Variants in CGRRF1 observed in about 807,000 individuals in gnomAD.
The protein encoded by CGRRF1 is cell growth regulator with ring finger domain 1, also known as cell growth regulator with RING finger domain protein 1.
In CGRRF1, 32 loss-of-function variants were observed where a neutral mutation model predicts 37.2. That is an observed-to-expected ratio of 0.86 (90% confidence interval 0.65 to 1.16). The LOEUF is 1.16. CGRRF1 is among the 50% of genes most tolerant of loss of function. The pLI is 0.00. For synonymous variants in CGRRF1, 141 were observed against 140.3 expected (o/e 1.00, Z -0.04); for missense variants, 391 against 382.6 (o/e 1.02, Z -0.18).
chr14:54,523,689 A>G (rs544597802), intron 2 of CGRRF1, among the ~76,000 whole-genome samples: 4 of 152,314 alleles, frequency 2.6e-5, no homozygotes, highest in Admixed American at 6.5e-5. Context: ...GGTTCTTCCT[A>G]TGGGTCCTCC....
chr14:54,537,654 A>G (rs1296042026), intron 4 of CGRRF1, 68 bp from the exon 5 acceptor site: 9 of 1,365,866 alleles, frequency 6.6e-6, no homozygotes, highest in Non-Finnish European at 8.6e-6. Flanking sequence ...GTTGAAAAGC[A>G]TTTTTCATAT....
At chr14:54,521,867 T>A (rs926173128) in intron 1 of CGRRF1, among the ~76,000 whole-genome samples, 2 of 152,180 alleles carry the variant, frequency 1.3e-5, no homozygotes, top group African/African-American at 4.8e-5. Flanking sequence ...AATAAGTTCA[T>A]CATGTGTTTG....
At chr14:54,535,359 T>TCACGCACACACACACA (rs2032582909) in intron 4 of CGRRF1, among the ~76,000 whole-genome samples, 7 of 140,498 alleles carry the variant, frequency 5.0e-5, no homozygotes, top group African/African-American at 1.9e-4. Context: ...AAGGGTATAG[T>TCACGCACACACACACA]CACACACACA....
At chr14:54,532,067 C>G (rs540698798) in intron 4 of CGRRF1, among the ~76,000 whole-genome samples, 2 of 152,060 alleles carry the variant, frequency 1.3e-5, no homozygotes, top group Non-Finnish European at 2.9e-5. Context: ...CAAGAAAAAT[C>G]CCAGTCATTC....
At position 54,510,271 on chromosome 14, in the gene CGRRF1, C is replaced by T. The variant is rs2032108408; in HGVS notation, c.104+208C>T. The T allele has an allele frequency of 7.0e-6, 4 of 573,670 alleles. No individual in the cohort carries two copies. The East Asian group carries it at 1.2e-4, about 17-fold the overall frequency. 35.5% of individuals were successfully genotyped at this position (573,670 alleles called of 1,614,324 possible). On this transcript the variant is annotated intron_variant, in intron 1 of 5. Coordinates refer to ENST00000216420, the MANE Select transcript of CGRRF1 (RefSeq NM_006568.3). ...CACTGCCCTGCATCACCGTTTGGTC[C>T]GTGTCGCTGGGGCATCTTGGGGTGG...
At chr14:54,520,354 C>T (rs2032295300) in intron 1 of CGRRF1, among the ~76,000 whole-genome samples, 1 of 152,014 alleles carries the variant, frequency 6.6e-6, no homozygotes, top group Admixed American at 6.6e-5. Context: ...AGGACGGTCT[C>T]GATCTCCTGG....
At chr14:54,510,490 C>T (rs944890140) in intron 1 of CGRRF1, among the ~76,000 whole-genome samples, 3 of 152,182 alleles carry the variant, frequency 2.0e-5, no homozygotes, top group African/African-American at 7.2e-5. Context: ...GCGAGGTTAA[C>T]AGTTGTGATT....
intron 1 of CGRRF1, among the ~76,000 whole-genome samples, chr14:54,513,594 A>T (rs2032165771): frequency 6.6e-6 from 1 of 150,660 alleles, no homozygotes; most frequent in African/African-American, 2.4e-5. Context: ...ATGTTATGTT[A>T]TGTTATGTTA....
At chr14:54,519,968 C>T (rs2032287904) in intron 1 of CGRRF1, among the ~76,000 whole-genome samples, 1 of 152,228 alleles carries the variant, frequency 6.6e-6, no homozygotes, top group African/African-American at 2.4e-5. Flanking sequence ...TATCTTATTT[C>T]ACGATGCCCT....
rs140514305 is a variant in CGRRF1, at chr14:54,530,061, T to C, written c.257T>C (p.Leu86Ser). The C allele has an allele frequency of 2.2e-5, 35 of 1,609,458 alleles. No individual in the cohort carries two copies. The highest frequency in any genetic ancestry group is 3.0e-5 in the Non-Finnish European group (35 of 1,176,548). Residue 86 changes from leucine (L) to serine (S), a missense_variant, in exon 3 of 6, where the codon TTG becomes TCG. Coordinates refer to ENST00000216420, the MANE Select transcript of CGRRF1 (RefSeq NM_006568.3). ...TTGTTTTTTACAGCTGGCATAACCT[T>C]GACAACAGATTGCCTTGAAGATAGC... ...SSASITTGIT[L>S]TTDCLEDSLL...
chr14:54,530,748 A>G (rs555901941), intron 3 of CGRRF1, 155 bp from the exon 4 acceptor site: 23 of 880,256 alleles, frequency 2.6e-5, no homozygotes, highest in Non-Finnish European at 3.6e-5. Context: ...GAATGTCTCT[A>G]TCAGGAACAG....
chr14:54,519,971 G>A (rs1016375835), intron 1 of CGRRF1, among the ~76,000 whole-genome samples: 19 of 152,024 alleles, frequency 1.2e-4, no homozygotes, highest in African/African-American at 4.1e-4. Context: ...CTTATTTCAC[G>A]ATGCCCTTCA....
intron 4 of CGRRF1, among the ~76,000 whole-genome samples, chr14:54,534,219 G>T (rs1280735008): frequency 2.0e-5 from 3 of 152,042 alleles, no homozygotes; most frequent in Non-Finnish European, 4.4e-5. Flanking sequence ...CTGCTTCCTG[G>T]GTTCAAGCAA....
intron 4 of CGRRF1, 184 bp downstream of exon 4, chr14:54,531,234 C>A: frequency 3.7e-6 from 2 of 534,448 alleles, no homozygotes; most frequent in Non-Finnish European, 6.6e-6. Context: ...TCATTTCTTG[C>A]CTTATGGGTC....
intron 4 of CGRRF1, among the ~76,000 whole-genome samples, chr14:54,534,125 G>T (rs538687600): frequency 2.0e-4 from 29 of 148,370 alleles, no homozygotes; most frequent in East Asian, 1.4e-3. Context: ...GACAAAATTG[G>T]TTTTTTTTTT....
intron 1 of CGRRF1, among the ~76,000 whole-genome samples, chr14:54,521,169 C>T (rs1419548009): frequency 6.6e-6 from 1 of 152,074 alleles, no homozygotes; most frequent in Non-Finnish European, 1.5e-5. Context: ...TTTAAAAGTT[C>T]CATTGTCCTG....
intron 2 of CGRRF1, among the ~76,000 whole-genome samples, chr14:54,529,247 C>T (rs1452854176): frequency 1.3e-5 from 2 of 152,130 alleles, no homozygotes; most frequent in South Asian, 2.1e-4. Context: ...GATGTTGCTA[C>T]CCTTGAATGT....
At chr14:54,527,003 A>C (rs2140061928) in intron 2 of CGRRF1, among the ~76,000 whole-genome samples, 1 of 152,148 alleles carries the variant, frequency 6.6e-6, no homozygotes, top group East Asian at 1.9e-4. Flanking sequence ...CTTTTTTGCA[A>C]GGCTGTCTCT....
chr14:54,512,035 C>T (rs1011140921), intron 1 of CGRRF1, among the ~76,000 whole-genome samples: 13 of 152,178 alleles, frequency 8.5e-5, no homozygotes, highest in Non-Finnish European at 1.2e-4. Context: ...AACTTGGACA[C>T]CATCTAAATC....
Sources: gnomAD v4.1 joint callset for allele counts (sites outside exome capture counted in the v4.1 genomes callset) on GRCh38, gnomAD v4.1.1 for gene constraint, MANE v1.5 for transcripts, NCBI Gene and HGNC (gene_info 2026-07-23, HGNC 2026-07-21) for gene names.